The following CLVS1 variants were observed in gnomAD, a reference collection of about 807,000 sequenced individuals.
CLVS1 encodes the protein clavesin-1.
A neutral mutation model predicts 33.1 loss-of-function variants in CLVS1; 10 were observed. That is an observed-to-expected ratio of 0.30 (90% CI 0.19 to 0.51). The LOEUF (loss-of-function observed/expected upper bound fraction) is 0.51, where lower values mean the gene tolerates loss of function less well. CLVS1 is among the 20% of genes least tolerant of loss of function. CLVS1 has a pLI of 0.97. For synonymous variants in CLVS1, 163 were observed against 166.1 expected (o/e 0.98, Z 0.14); for missense variants, 343 against 433.4 (o/e 0.79, Z 1.85).
intron 3 of CLVS1, among the ~76,000 whole-genome samples, chr8:61,405,438 G>T (rs1252568772): frequency 6.6e-6 from 1 of 152,158 alleles, no homozygotes; most frequent in African/African-American, 2.4e-5. Flanking sequence ...CAGGAGAAGT[G>T]CTTCATGTGT....
chr8:60,981,516 G>A, the CLVS1 span, among the ~76,000 whole-genome samples: 1 of 152,320 alleles, frequency 6.6e-6, no homozygotes, highest in African/African-American at 2.4e-5. Flanking sequence ...TGTTGTCCAC[G>A]GAGGGGACTC....
chr8:61,402,049 A>C (rs1814787070), intron 3 of CLVS1, among the ~76,000 whole-genome samples: 1 of 152,242 alleles, frequency 6.6e-6, no homozygotes, highest in East Asian at 1.9e-4. Context: ...TCTTTTATTC[A>C]CAAGGCCTGG....
chr8:61,418,464 C>T (rs1815529286), intron 3 of CLVS1, among the ~76,000 whole-genome samples: 1 of 152,186 alleles, frequency 6.6e-6, no homozygotes, highest in Non-Finnish European at 1.5e-5. Flanking sequence ...TTCTCCCTTA[C>T]CCCCTCCATT....
chr8:61,113,267 G>A (rs1488288816), intron 1 of CLVS1, among the ~76,000 whole-genome samples: 3 of 152,166 alleles, frequency 2.0e-5, no homozygotes, highest in African/African-American at 7.2e-5. Context: ...GAGAACAGCA[G>A]CGCAAAAATA....
intron 2 of CLVS1, among the ~76,000 whole-genome samples, chr8:61,159,043 T>C (rs1806702702): frequency 6.7e-6 from 1 of 149,416 alleles, no homozygotes; most frequent in Admixed American, 6.6e-5. Context: ...TTAAAAACAC[T>C]TTTTTTTTGG....
chr8:61,473,338 AT>A (rs1192290223), intron 5 of CLVS1, among the ~76,000 whole-genome samples: 176 of 90,552 alleles, frequency 1.9e-3, no homozygotes, highest in Non-Finnish European at 3.6e-3. Flanking sequence ...AATTCACGGA[AT>A]TTAAAAAAAA....
chr8:61,439,404 T>C (rs1180585055), intron 3 of CLVS1, among the ~76,000 whole-genome samples: 2 of 152,220 alleles, frequency 1.3e-5, no homozygotes, highest in East Asian at 1.9e-4. Context: ...GTGATTTTTA[T>C]GGCAAATTAA....
chr8:61,292,616 A>G (rs757626490), intron 1 of CLVS1, among the ~76,000 whole-genome samples: 8 of 152,122 alleles, frequency 5.3e-5, no homozygotes, highest in African/African-American at 1.9e-4. Context: ...AAGCACAACT[A>G]ATCTGTTTTA....
At chr8:61,014,601 T>C in the CLVS1 span, among the ~76,000 whole-genome samples, 1 of 152,236 alleles carries the variant, frequency 6.6e-6, no homozygotes, top group Non-Finnish European at 1.5e-5. Context: ...AAGTCTTTAG[T>C]TGTTTTTATG....
rs71525448 is a variant in CLVS1, at chr8:61,299,770, G to A, written c.-58G>A. 5.3e-4 allele frequency: 695 copies of A among 1,306,452 alleles called. 2 individuals carry two copies. The highest frequency in any genetic ancestry group is 6.6e-4 in the Non-Finnish European group (619 of 930,938). 80.9% of individuals were successfully genotyped at this position (1,306,452 alleles called of 1,614,324 possible). A position where few individuals can be genotyped will look rare whatever the true frequency, so the allele number is the denominator to read the frequency against. On this transcript the variant is annotated 5_prime_UTR_variant, in exon 2 of 6. Transcript: ENST00000325897. ...AGACCCTCTATTTGTCTGTTCCGGG[G>A]CAGCCTGGTAGTAAAACACTGTTGA...
intron 1 of CLVS1, among the ~76,000 whole-genome samples, chr8:61,110,875 C>T (rs1330623307): frequency 6.6e-6 from 1 of 152,170 alleles, no homozygotes; most frequent in Non-Finnish European, 1.5e-5. Flanking sequence ...AATTTCCTTC[C>T]TTTTTAAGAT....
chr8:61,307,659 C>A (rs1285868716), intron 2 of CLVS1, among the ~76,000 whole-genome samples: 2 of 152,072 alleles, frequency 1.3e-5, no homozygotes, highest in Non-Finnish European at 2.9e-5. Flanking sequence ...GTAAAGAAAG[C>A]ATGCTTACAT....
At chr8:61,059,499 T>TATATATATATATATACATAC (rs1265187479) in intron 1 of CLVS1, among the ~76,000 whole-genome samples, 2 of 96,352 alleles carry the variant, frequency 2.1e-5, no homozygotes, top group African/African-American at 8.0e-5. Flanking sequence ...TATATATATA[T>TATATATATATATATACATAC]ACACATATCT....
At chr8:61,083,675 G>A (rs1358900399) in intron 1 of CLVS1, among the ~76,000 whole-genome samples, 2 of 151,968 alleles carry the variant, frequency 1.3e-5, no homozygotes, top group African/African-American at 4.8e-5. Context: ...GGAGAAAATG[G>A]CCATTACTGA....
intron 1 of CLVS1, among the ~76,000 whole-genome samples, chr8:61,299,209 G>A (rs1247851658): frequency 1.3e-5 from 2 of 152,132 alleles, no homozygotes; most frequent in East Asian, 3.9e-4. Flanking sequence ...GAAAGTGGGG[G>A]AAGGGTTATT....
chr8:61,224,940 T>C (rs968853254), intron 2 of CLVS1, among the ~76,000 whole-genome samples: 1 of 152,244 alleles, frequency 6.6e-6, no homozygotes, highest in African/African-American at 2.4e-5. Flanking sequence ...GAATTCTCTT[T>C]TGTAGCTTTT....
chr8:61,283,821 A>G (rs867765441), upstream of CLVS1, among the ~76,000 whole-genome samples: 3 of 152,226 alleles, frequency 2.0e-5, no homozygotes, highest in African/African-American at 7.2e-5. Flanking sequence ...TAAATTGTGT[A>G]GTGTTGACCT....
chr8:61,177,450 A>G (rs894165424), intron 2 of CLVS1, among the ~76,000 whole-genome samples: 14 of 152,144 alleles, frequency 9.2e-5, no homozygotes, highest in African/African-American at 2.2e-4. Context: ...GATTCCCCCC[A>G]GTGCGGCACA....
At chr8:61,343,773 A>G (rs1383902428) in intron 2 of CLVS1, among the ~76,000 whole-genome samples, 1 of 152,160 alleles carries the variant, frequency 6.6e-6, no homozygotes, top group African/African-American at 2.4e-5. Flanking sequence ...CTTAGAGGCA[A>G]AATTTTTCAT....
Sources: gnomAD v4.1 joint callset for allele counts (sites outside exome capture counted in the v4.1 genomes callset) on GRCh38, gnomAD v4.1.1 for gene constraint, MANE v1.5 for transcripts, NCBI Gene and HGNC (gene_info 2026-07-23, HGNC 2026-07-21) for gene names.